Variants in TNFRSF19 observed in about 807,000 individuals in gnomAD.
The protein encoded by TNFRSF19 is tumor necrosis factor receptor superfamily member 19.
Under a neutral mutation model 46.4 loss-of-function variants are expected in TNFRSF19, and 27 were observed. The observed-to-expected ratio is 0.58, with a 90% CI of 0.43 to 0.80. TNFRSF19 has a LOEUF of 0.80. Among genes scored for constraint, TNFRSF19 ranks in the 30% least tolerant of loss-of-function variants. The pLI, the probability that TNFRSF19 is intolerant of heterozygous loss-of-function variation, is 0.00. For missense variants in TNFRSF19, 511 were observed against 530.8 expected (o/e 0.96, Z 0.37); for synonymous variants, 204 against 205.0 (o/e 1.00, Z 0.04).
intron 7 of TNFRSF19, among the ~76,000 whole-genome samples, chr13:23,663,799 A>G (rs1951570454): frequency 6.6e-6 from 1 of 152,054 alleles, no homozygotes; most frequent in Admixed American, 6.6e-5. Context: ...ATGTGTATAG[A>G]GATGTTTATA....
chr13:23,610,965 G>A (rs1312254169), intron 3 of TNFRSF19, among the ~76,000 whole-genome samples: 1 of 151,974 alleles, frequency 6.6e-6, no homozygotes, highest in East Asian at 1.9e-4. Context: ...CAGACTACGG[G>A]GTATTTTAAA....
intron 3 of TNFRSF19, among the ~76,000 whole-genome samples, chr13:23,602,699 A>G (rs9510782): frequency 0.29 from 44,663 of 151,998 alleles, 6,683 homozygotes; most frequent in South Asian, 0.34. Flanking sequence ...AGCAATCAAT[A>G]ACAGAAAGAT....
intron 4 of TNFRSF19, among the ~76,000 whole-genome samples, chr13:23,617,333 A>G (rs1026318526): frequency 2.0e-5 from 3 of 152,146 alleles, no homozygotes; most frequent in African/African-American, 7.2e-5. Flanking sequence ...AGGTCCAGGG[A>G]AAGGAGAGGG....
chr13:23,626,743 C>T lies in TNFRSF19; in HGVS notation c.396C>T (p.Asp132=). 1 of 1,614,182 alleles carries T rather than the reference C, an allele frequency of 6.2e-7. No homozygotes were observed. The highest frequency in any genetic ancestry group is 1.1e-5 in the South Asian group (1 of 91,082). ...AGACGAAACTTGTCGGCTTTCAAGACATGGAGTGTGTGCCTTGTGGAGACC... is the reference window on the plus strand; with the variant it reads ...AGACGAAACTTGTCGGCTTTCAAGATATGGAGTGTGTGCCTTGTGGAGACC... ...YRKTKLVGFQ[D]MECVPCGDPP... The change falls in exon 5 of 10, where the codon GAC becomes GAT. Residue 132 remains aspartate (D), a synonymous_variant. Transcript: ENST00000248484.
intron 5 of TNFRSF19, among the ~76,000 whole-genome samples, chr13:23,645,237 A>G (rs996719120): frequency 3.3e-5 from 5 of 152,244 alleles, no homozygotes; most frequent in East Asian, 1.9e-4. Context: ...CAGTCTCACT[A>G]TGTTGCCCAG....
At chr13:23,575,752 C>G (rs980204891) in intron 1 of TNFRSF19, among the ~76,000 whole-genome samples, 4 of 152,100 alleles carry the variant, frequency 2.6e-5, no homozygotes, top group African/African-American at 9.7e-5. Flanking sequence ...CCACTTTTTT[C>G]CCAAGGAATA....
chr13:23,615,812 C>G (rs1881237938), intron 3 of TNFRSF19, 55 bp from the exon 4 acceptor site: 12 of 1,492,252 alleles, frequency 8.0e-6, no homozygotes, highest in Admixed American at 4.3e-5. Flanking sequence ...AGCGGTCTTT[C>G]CTTTTCACGC....
intron 1 of TNFRSF19, among the ~76,000 whole-genome samples, chr13:23,577,898 G>A (rs933664606): frequency 2.6e-5 from 4 of 152,182 alleles, no homozygotes; most frequent in African/African-American, 9.7e-5. Context: ...GATGAAAGGC[G>A]GGAAGCGGGG....
Position 23,676,052 on chromosome 13 carries a change from A to G in TNFRSF19, c.*2672A>G, listed in dbSNP as rs1007041092. On this transcript the variant is annotated 3_prime_UTR_variant, in exon 10 of 10. Coordinates refer to ENST00000248484, the MANE Select transcript of TNFRSF19 (RefSeq NM_148957.4). The stretch of plus-strand genomic sequence containing the variant: ...ATTATCATTTTCTTAGTTTTGTAAT[A>G]CCTTTTTTATTTGTGAATAAAATTA... 1 of 152,138 alleles carries G rather than the reference A, an allele frequency of 6.6e-6. No individual in the cohort carries two copies. Among genetic ancestry groups the G allele is most frequent in the Non-Finnish European group, 1.5e-5 (1 of 68,012 alleles). The allele number at this position is 152,138 out of a possible 1,614,324, so 9.4% of individuals were successfully genotyped here. A position where few individuals can be genotyped will look rare whatever the true frequency, so the allele number is the denominator to read the frequency against.
At position 23,570,652 on chromosome 13, in the gene TNFRSF19, C is replaced by A. The variant is rs1566153181; in HGVS notation, c.-231C>A. On this transcript the variant is annotated 5_prime_UTR_variant, in exon 1 of 10. Transcript: ENST00000248484. ...ATGCATATATATAAACTCAGCCCTG[C>A]CTTTGATGTTCAGCAACTGATTCAC... 6.6e-6 allele frequency: 1 copy of A among 152,130 alleles called. No individual in the cohort carries two copies. The highest frequency in any genetic ancestry group is 1.5e-5 in the Non-Finnish European group (1 of 68,046). 9.4% of individuals were successfully genotyped at this position (152,130 alleles called of 1,614,324 possible). A position where few individuals can be genotyped will look rare whatever the true frequency, so the allele number is the denominator to read the frequency against.
chr13:23,596,393 A>G (rs1195532877), intron 3 of TNFRSF19, among the ~76,000 whole-genome samples: 1 of 152,214 alleles, frequency 6.6e-6, no homozygotes. Flanking sequence ...AAATAAAGGG[A>G]TGGAGGAATA....
At chr13:23,615,433 A>C (rs1189943201) in intron 3 of TNFRSF19, among the ~76,000 whole-genome samples, 1 of 152,208 alleles carries the variant, frequency 6.6e-6, no homozygotes, top group Non-Finnish European at 1.5e-5. Context: ...GAAATTTCTT[A>C]TGCACTTATC....
At chr13:23,577,918 G>A (rs1327298535) in intron 1 of TNFRSF19, among the ~76,000 whole-genome samples, 1 of 152,154 alleles carries the variant, frequency 6.6e-6, no homozygotes, top group African/African-American at 2.4e-5. Flanking sequence ...GTTGATGACC[G>A]AGGCAGTGCT....
At chr13:23,664,144 A>G (rs1248268140) in intron 7 of TNFRSF19, among the ~76,000 whole-genome samples, 1 of 152,178 alleles carries the variant, frequency 6.6e-6, no homozygotes, top group African/African-American at 2.4e-5. Context: ...GTTTAGTGCT[A>G]TGAATTCCCT....
At chr13:23,581,537 C>CT (rs558682656) in intron 1 of TNFRSF19, among the ~76,000 whole-genome samples, 29 of 149,178 alleles carry the variant, frequency 1.9e-4, no homozygotes, top group African/African-American at 5.7e-4. Context: ...AGGGACAGAA[C>CT]TTTTTTTTTT....
intron 9 of TNFRSF19, among the ~76,000 whole-genome samples, chr13:23,670,717 GA>G (rs1200241720): frequency 6.6e-6 from 1 of 152,206 alleles, no homozygotes; most frequent in Non-Finnish European, 1.5e-5. Context: ...TCAAAGCAGA[GA>G]GCGTCCACTG....
chr13:23,597,208 A>G (rs1879793774), intron 3 of TNFRSF19, among the ~76,000 whole-genome samples: 1 of 152,166 alleles, frequency 6.6e-6, no homozygotes, highest in Admixed American at 6.5e-5. Context: ...GGGCAAACAA[A>G]TTCAAAAGCT....
At chr13:23,671,811 T>C (rs947421239) in intron 9 of TNFRSF19, among the ~76,000 whole-genome samples, 18 of 152,186 alleles carry the variant, frequency 1.2e-4, no homozygotes, top group Non-Finnish European at 2.6e-4. Flanking sequence ...TGAGCTAGGA[T>C]CACGCCGCTG....
chr13:23,614,746 C>CATATATATATATATATATATATATATAT (rs59117822), intron 3 of TNFRSF19, among the ~76,000 whole-genome samples: 151 of 134,810 alleles, frequency 1.1e-3, no homozygotes, highest in Middle Eastern at 4.0e-3. Context: ...ATAAGTAATA[C>CATATATATATATATATATATATATATAT]ATATATATAT....
Sources: allele counts gnomAD v4.1 joint callset (sites outside exome capture counted in the v4.1 genomes callset), GRCh38; gene constraint gnomAD v4.1.1; transcripts MANE v1.5; gene names NCBI Gene and HGNC (gene_info 2026-07-23, HGNC 2026-07-21).